The following PRUNE2 variants were observed in gnomAD, a reference collection of about 807,000 sequenced individuals.
PRUNE2 encodes prune homolog 2 with BCH domain.
PRUNE2 carries 164 observed loss-of-function variants against 252.0 expected under a neutral mutation model. The ratio of observed to expected loss-of-function variants is 0.65; its 90% confidence interval spans 0.57 to 0.74. The LOEUF is 0.74. Ranked by LOEUF, PRUNE2 falls within the 30% of genes least tolerant of loss-of-function variation. The pLI, the probability that PRUNE2 is intolerant of heterozygous loss-of-function variation, is 0.00. For synonymous variants in PRUNE2, 1,292 were observed against 1,350.2 expected, an observed-to-expected ratio of 0.96 and a Z score of 0.94; for missense variants, 3,495 against 3,711.0, an observed-to-expected ratio of 0.94 and a Z score of 1.51.
intron 2 of PRUNE2, among the ~76,000 whole-genome samples, chr9:76,853,612 C>A (rs2060085722): frequency 6.6e-6 from 1 of 152,180 alleles, no homozygotes; most frequent in South Asian, 2.1e-4. Flanking sequence ...CAAAACCAAA[C>A]AAGGACCTAC....
intron 6 of PRUNE2, among the ~76,000 whole-genome samples, chr9:76,733,162 G>T (rs2048779571): frequency 6.6e-6 from 1 of 152,090 alleles, no homozygotes; most frequent in Non-Finnish European, 1.5e-5. Context: ...ACAGTACTCA[G>T]CCTCCCCCAG....
intron 1 of PRUNE2, among the ~76,000 whole-genome samples, chr9:76,886,959 T>G (rs770207729): frequency 6.6e-6 from 1 of 152,232 alleles, no homozygotes; most frequent in Non-Finnish European, 1.5e-5. Context: ...ATTAGAGCAC[T>G]CACTCAAAAA....
intron 1 of PRUNE2, among the ~76,000 whole-genome samples, chr9:76,890,316 A>G (rs1249475222): frequency 1.3e-5 from 2 of 152,094 alleles, no homozygotes; most frequent in Non-Finnish European, 2.9e-5. Flanking sequence ...CTGAAGGGGG[A>G]GTGATAAGGA....
Position 76,710,601 on chromosome 9 carries a change from G to C in PRUNE2, c.1673C>G (p.Ala558Gly). 1 of 1,613,654 alleles carries C rather than the reference G, an allele frequency of 6.2e-7. No homozygotes were observed. Among genetic ancestry groups the C allele is most frequent in the Non-Finnish European group, 8.5e-7 (1 of 1,179,728 alleles). The change falls in exon 8 of 19, where the codon GCT becomes GGT. Residue 558 changes from alanine (A) to glycine (G), a missense_variant. By Grantham distance (60) the Ala-to-Gly change is moderately conservative. Coordinates refer to ENST00000376718, the MANE Select transcript of PRUNE2 (RefSeq NM_015225.3). ...NYSSSSLLSG[A>G]GKDSLVEHDE... is the part of the protein sequence containing the mutation. ...ATGTTCCACAAGGCTATCTTTGCCA[G>C]CCCCTGACAAAAGTGAACTGGATGA...
intron 6 of PRUNE2, among the ~76,000 whole-genome samples, chr9:76,771,153 G>C (rs1464882894): frequency 6.6e-6 from 1 of 152,076 alleles, no homozygotes; most frequent in Admixed American, 6.6e-5. Context: ...ATAGAAACTA[G>C]ACATGATTTA....
intron 6 of PRUNE2, among the ~76,000 whole-genome samples, chr9:76,818,166 T>G (rs190230241): frequency 6.5e-4 from 99 of 152,228 alleles, no homozygotes; most frequent in Non-Finnish European, 2.1e-4. Context: ...CGCTATGCAC[T>G]CTTTCACAAA....
At chr9:76,856,764 T>C (rs2132691781) in intron 1 of PRUNE2, among the ~76,000 whole-genome samples, 1 of 152,004 alleles carries the variant, frequency 6.6e-6, no homozygotes, top group East Asian at 1.9e-4. Context: ...TTTTCTTTTT[T>C]TTTTTCCAAG....
At chr9:76,801,148 G>A (rs1036858624) in intron 6 of PRUNE2, among the ~76,000 whole-genome samples, 1 of 152,172 alleles carries the variant, frequency 6.6e-6, no homozygotes, top group African/African-American at 2.4e-5. Flanking sequence ...AGGTCTAGTA[G>A]TTATCTAACA....
At position 76,704,078 on chromosome 9, in the gene PRUNE2, T is replaced by G; in HGVS notation, c.7535A>C (p.Glu2512Ala). 1 of 1,597,262 alleles carries G rather than the reference T, an allele frequency of 6.3e-7. No individual in the cohort carries two copies. The highest frequency in any genetic ancestry group is 8.5e-7 in the Non-Finnish European group (1 of 1,173,400). ...AGGAATTGTTTTTTCTTCTTCCAAT[T>G]CTGATATTTCCTTGCTGGCACCTAG... ...PPNGASKEIS[E>A]LEEEKTIPTK... Residue 2512 changes from glutamate to alanine, a missense_variant, in exon 9 of 19, where the codon GAA becomes GCA. Coordinates refer to ENST00000376718, the MANE Select transcript of PRUNE2 (RefSeq NM_015225.3).
intron 6 of PRUNE2, among the ~76,000 whole-genome samples, chr9:76,814,446 A>G (rs535160728): frequency 1.1e-4 from 17 of 152,270 alleles, no homozygotes; most frequent in African/African-American, 4.1e-4. Context: ...AACCATCTGA[A>G]CACAACTGCA....
At chr9:76,777,607 T>C (rs1239741874) in intron 6 of PRUNE2, among the ~76,000 whole-genome samples, 1 of 152,186 alleles carries the variant, frequency 6.6e-6, no homozygotes. Context: ...CAGTATTAAA[T>C]AAAACAGACA....
At chr9:76,689,218 A>G (rs1038076523) in intron 9 of PRUNE2, among the ~76,000 whole-genome samples, 4 of 152,196 alleles carry the variant, frequency 2.6e-5, no homozygotes, top group African/African-American at 4.8e-5. Flanking sequence ...TCAAGTTCTG[A>G]CAGTAGAGTT....
In PRUNE2 at chr9:76,823,728, T is replaced by C; in HGVS notation, c.662-2A>G. On this transcript the variant is annotated splice_acceptor_variant, in intron 5 of 18. Transcript: ENST00000376718. LOFTEE classifies it high-confidence loss of function. ...ACATTGTCTGTTCAATACTTAAACC[T>C]GTGGATGACAGGAAAAAAAAACATT... is the stretch of plus-strand genomic sequence containing the variant. The C allele has an allele frequency of 1.3e-6, 2 of 1,571,934 alleles. No individual in the cohort carries two copies. Among genetic ancestry groups the C allele is most frequent in the Non-Finnish European group, 1.7e-6 (2 of 1,148,742 alleles).
chr9:76,736,594 G>C (rs2049094989), intron 6 of PRUNE2: 1 of 152,200 alleles, frequency 6.6e-6, no homozygotes, highest in Non-Finnish European at 1.5e-5. Flanking sequence ...TCTTTTTGCT[G>C]TGTCCTCACG....
chr9:76,853,012 A>G (rs751844032), intron 2 of PRUNE2, among the ~76,000 whole-genome samples: 37 of 152,208 alleles, frequency 2.4e-4, no homozygotes, highest in Non-Finnish European at 4.7e-4. Context: ...TCTCTAGATA[A>G]GTGACATTTT....
chr9:76,844,716 T>C (rs187607964), intron 4 of PRUNE2, among the ~76,000 whole-genome samples: 4 of 152,206 alleles, frequency 2.6e-5, no homozygotes, highest in African/African-American at 9.6e-5. Context: ...TCTGGCTCTT[T>C]TATGACAGTA....
At chr9:76,618,770 C>T (rs940227241) in intron 18 of PRUNE2, among the ~76,000 whole-genome samples, 2 of 152,198 alleles carry the variant, frequency 1.3e-5, no homozygotes, top group Admixed American at 6.5e-5. Context: ...AAATGTACCT[C>T]ATAAACTTAT....
rs184319682 is a variant in PRUNE2, at chr9:76,624,160, T to C, written c.9188+292A>G. Among the ~76,000 whole-genome samples, 254 of 152,296 alleles carry C rather than the reference T, an allele frequency of 1.7e-3. 4 individuals are homozygous for C. Among genetic ancestry groups the C allele is most frequent in the African/African-American group, 5.8e-3 (242 of 41,562 alleles). On this transcript the variant is annotated intron_variant, in intron 17 of 18. Coordinates refer to ENST00000376718, the MANE Select transcript of PRUNE2 (RefSeq NM_015225.3). ...TAATGATCATCTCGATGTCACACTA[T>C]ATGTGGCAGTGCCTGTGATGTGCTC...
intron 1 of PRUNE2, chr9:76,856,646 C>T (rs4745588): frequency 0.61 from 94,504 of 154,694 alleles, 29,346 homozygotes; most frequent in East Asian, 0.81. Flanking sequence ...TCCTTGCTGA[C>T]ATATCTCTTT....
Sources: gnomAD v4.1 joint callset for allele counts (sites outside exome capture counted in the v4.1 genomes callset) on GRCh38, gnomAD v4.1.1 for gene constraint, MANE v1.5 for transcripts, NCBI Gene and HGNC (gene_info 2026-07-23, HGNC 2026-07-21) for gene names.